The following MARK2 variants were observed in gnomAD, a reference collection of about 807,000 sequenced individuals.
MARK2 encodes serine/threonine-protein kinase MARK2.
MARK2 carries 16 observed loss-of-function variants against 89.8 expected under a neutral mutation model. The observed-to-expected ratio is 0.18, with a 90% confidence interval of 0.12 to 0.27. The LOEUF is 0.27. Among genes scored for constraint, MARK2 ranks in the 10% least tolerant of loss-of-function variants. MARK2 has a pLI of 1.00. For synonymous variants in MARK2, 382 were observed against 399.5 expected (o/e 0.96, Z 0.52); for missense variants, 621 against 1,049.9 (o/e 0.59, Z 5.65).
intron 1 of MARK2, among the ~76,000 whole-genome samples, chr11:63,863,609 C>T (rs149033889): frequency 6.6e-5 from 10 of 151,808 alleles, no homozygotes; most frequent in African/African-American, 1.2e-4. Context: ...GGACTACAGG[C>T]GCCTGCCACC....
intron 1 of MARK2, among the ~76,000 whole-genome samples, chr11:63,852,059 AAC>A (rs1244555540): frequency 6.6e-6 from 1 of 152,230 alleles, no homozygotes; most frequent in Admixed American, 6.5e-5. Flanking sequence ...TAGTAACGTT[AAC>A]ACAGTGTTGC....
intron 1 of MARK2, among the ~76,000 whole-genome samples, chr11:63,845,879 T>C (rs2016253075): frequency 6.6e-6 from 1 of 152,040 alleles, no homozygotes; most frequent in Non-Finnish European, 1.5e-5. Context: ...CGCACCTCCA[T>C]GCCTGGCCAC....
chr11:63,850,332 T>G (rs975761076), intron 1 of MARK2, among the ~76,000 whole-genome samples: 1 of 139,348 alleles, frequency 7.2e-6, no homozygotes. Flanking sequence ...TTTTTTTTTT[T>G]TTTTTTTTGG....
At chr11:63,856,308 GTTTTTT>G in intron 1 of MARK2, among the ~76,000 whole-genome samples, 1 of 87,272 alleles carries the variant, frequency 1.1e-5, no homozygotes, top group East Asian at 7.2e-4. Context: ...GGCCCTGTGG[GTTTTTT>G]TTTTTTGTTT....
At chr11:63,892,334 A>G (rs922835753) in intron 1 of MARK2, among the ~76,000 whole-genome samples, 2 of 152,246 alleles carry the variant, frequency 1.3e-5, no homozygotes, top group African/African-American at 4.8e-5. Context: ...GGGCACAGTG[A>G]AGAAGGGGAA....
intron 1 of MARK2, 49 bp downstream of exon 1, chr11:63,839,609 C>T (rs1221424749): frequency 1.7e-6 from 2 of 1,170,190 alleles, no homozygotes; most frequent in Non-Finnish European, 2.5e-6. Flanking sequence ...GCCCTTTGCA[C>T]CTTGCGGAGC....
At position 63,842,984 on chromosome 11, in the gene MARK2, C is replaced by A. The variant is rs185136510; in HGVS notation, c.54+3424C>A. ...GATTGCCTGTGTGCTGTCCACTTCG[C>A]TTATAACAGTGAAAGTAGGAGATTA... On this transcript the variant is annotated intron_variant, in intron 1 of 18. Transcript: ENST00000402010. 1.1e-4 allele frequency among the ~76,000 whole-genome samples: 17 copies of A among 151,592 alleles called. No homozygotes were observed. The East Asian group carries it at 3.3e-3, about 29-fold the overall frequency.
intron 1 of MARK2, among the ~76,000 whole-genome samples, chr11:63,872,157 A>G (rs1938488941): frequency 6.6e-6 from 1 of 152,152 alleles, no homozygotes; most frequent in Non-Finnish European, 1.5e-5. Context: ...ACTCCTGACA[A>G]ATATTTCTGT....
At chr11:63,887,264 A>C (rs1269643827) in intron 1 of MARK2, among the ~76,000 whole-genome samples, 1 of 152,248 alleles carries the variant, frequency 6.6e-6, no homozygotes, top group African/African-American at 2.4e-5. Flanking sequence ...CAAGAACAGC[A>C]GAGTGCTGAA....
At chr11:63,881,362 A>G (rs543036468) in intron 1 of MARK2, among the ~76,000 whole-genome samples, 1 of 152,254 alleles carries the variant, frequency 6.6e-6, no homozygotes, top group Admixed American at 6.5e-5. Context: ...AAGGACAGAT[A>G]GTAACCAACC....
At position 63,899,860 on chromosome 11, in the gene MARK2, A is replaced by C. The variant is rs1179121920; in HGVS notation, c.532-14A>C. On this transcript the variant is annotated splice_polypyrimidine_tract_variant and intron_variant, in intron 7 of 18. Transcript: ENST00000402010. ...TCCACTTGGTTCCCTGATGTTTTCC[A>C]TCTTACCTCCCAGGCAGAAAACCTG... 6.3e-7 allele frequency: 1 copy of C among 1,590,510 alleles called. No homozygotes were observed.
chr11:63,889,267 A>T (rs892999266), intron 1 of MARK2, among the ~76,000 whole-genome samples: 2 of 152,142 alleles, frequency 1.3e-5, no homozygotes, highest in Non-Finnish European at 2.9e-5. Flanking sequence ...GGAGCCTAGG[A>T]TCTGGGGCCA....
chr11:63,886,349 C>G (rs1268954364), intron 1 of MARK2, among the ~76,000 whole-genome samples: 1 of 151,966 alleles, frequency 6.6e-6, no homozygotes, highest in African/African-American at 2.4e-5. Context: ...GTCTCGAATT[C>G]CCAGGCGCAA....
chr11:63,860,163 A>G (rs1302675280), intron 1 of MARK2, among the ~76,000 whole-genome samples: 2 of 152,220 alleles, frequency 1.3e-5, no homozygotes, highest in African/African-American at 4.8e-5. Flanking sequence ...CAATTTCCAT[A>G]GCACCTCTAA....
At chr11:63,872,785 C>T (rs1407442217) in intron 1 of MARK2, among the ~76,000 whole-genome samples, 3 of 152,128 alleles carry the variant, frequency 2.0e-5, no homozygotes, top group Non-Finnish European at 2.9e-5. Context: ...GCTCCTGCAA[C>T]GGGAACCCCG....
rs1382806785 is a variant in MARK2 at position 63,899,954 on chromosome 11, C to T, written c.612C>T (p.Asn204=). The change falls in exon 8 of 19, where the codon AAC becomes AAT. Residue 204 remains asparagine, a synonymous_variant. Transcript: ENST00000402010. ...FGFSNEFTFG[N]KLDTFCGSPP... is the part of the protein sequence containing the mutation. ...TCAGCAATGAATTCACCTTTGGGAA[C>T]AAGCTGGACACCTTCTGTGGCAGTC... 1.9e-6 allele frequency: 3 copies of T among 1,614,074 alleles called. No homozygotes were observed. The highest frequency in any genetic ancestry group is 2.5e-6 in the Non-Finnish European group (3 of 1,180,020).
At chr11:63,898,980 G>A in intron 6 of MARK2, 72 bp from the exon 7 acceptor site, 3 of 1,262,842 alleles carry the variant, frequency 2.4e-6, no homozygotes, top group East Asian at 2.3e-5. Flanking sequence ...TAAGTCACAG[G>A]GTCACTGCTC....
chr11:63,875,669 G>A (rs1475893974), intron 1 of MARK2, among the ~76,000 whole-genome samples: 3 of 152,174 alleles, frequency 2.0e-5, no homozygotes, highest in African/African-American at 7.2e-5. Context: ...CCTTGAGATG[G>A]GGCAGATGTA....
In MARK2 at chr11:63,909,473, T is replaced by G; in HGVS notation, c.*236T>G. 3 of 386,536 alleles carry G rather than the reference T, an allele frequency of 7.8e-6. No individual in the cohort carries two copies. Among genetic ancestry groups the G allele is most frequent in the East Asian group, 4.4e-5 (1 of 22,728 alleles). 23.9% of individuals were successfully genotyped at this position (386,536 alleles called of 1,614,324 possible). ...GATTCCCCCTTCTCCTCTCCCCTAC[T>G]GGAGGCAAAGGAAGGGGAGGGTGGA... On this transcript the variant is annotated 3_prime_UTR_variant, in exon 19 of 19. Transcript: ENST00000402010.
Sources: allele counts gnomAD v4.1 joint callset (sites outside exome capture counted in the v4.1 genomes callset), GRCh38; gene constraint gnomAD v4.1.1; transcripts MANE v1.5; gene names NCBI Gene and HGNC (gene_info 2026-07-23, HGNC 2026-07-21).